The following PARD3B variants were observed in gnomAD, a reference collection of about 807,000 sequenced individuals.
PARD3B encodes par-3 family cell polarity regulator beta, also known as partitioning defective 3 homolog B.
A neutral mutation model predicts 130.2 loss-of-function variants in PARD3B; 103 were observed. The ratio of observed to expected loss-of-function variants is 0.79; its 90% CI spans 0.67 to 0.93. The LOEUF is 0.93. PARD3B is among the 40% of genes least tolerant of loss of function. The pLI is 0.00. For missense variants in PARD3B, 1,609 were observed against 1,499.2 expected (o/e 1.07, Z -1.21); for synonymous variants, 583 against 553.2 (o/e 1.05, Z -0.76).
chr2:204,862,086 C>A (rs951171526), intron 2 of PARD3B, among the ~76,000 whole-genome samples: 6 of 152,082 alleles, frequency 3.9e-5, no homozygotes, highest in Non-Finnish European at 8.8e-5. Flanking sequence ...TTACCAATGA[C>A]CAATTTTCAT....
chr2:205,375,962 G>T (rs1447262236), intron 18 of PARD3B, among the ~76,000 whole-genome samples: 3 of 152,130 alleles, frequency 2.0e-5, no homozygotes, highest in Non-Finnish European at 4.4e-5. Context: ...ACAACAAATT[G>T]ACAAGAATAG....
intron 1 of PARD3B, among the ~76,000 whole-genome samples, chr2:204,668,643 C>T (rs573162609): frequency 7.2e-5 from 11 of 152,192 alleles, no homozygotes; most frequent in South Asian, 4.1e-4. Context: ...ACATTTAATT[C>T]GGAATATTCT....
At chr2:204,873,152 C>T (rs1332865593) in intron 2 of PARD3B, among the ~76,000 whole-genome samples, 1 of 152,204 alleles carries the variant, frequency 6.6e-6, no homozygotes, top group East Asian at 1.9e-4. Context: ...AGCAGTGAAG[C>T]TCTGCATAAG....
intron 1 of PARD3B, among the ~76,000 whole-genome samples, chr2:204,613,351 C>T (rs1006366976): frequency 6.6e-6 from 1 of 152,110 alleles, no homozygotes; most frequent in Non-Finnish European, 1.5e-5. Context: ...CAAGCCTCTG[C>T]ATTTTCCGCC....
At chr2:205,171,931 A>G (rs1326321301) in intron 11 of PARD3B, among the ~76,000 whole-genome samples, 1 of 152,198 alleles carries the variant, frequency 6.6e-6, no homozygotes, top group Non-Finnish European at 1.5e-5. Flanking sequence ...CATGCTTGCC[A>G]AAGATTTAGG....
intron 20 of PARD3B, among the ~76,000 whole-genome samples, chr2:205,471,353 C>CTTTTTTTTT (rs769669913): frequency 7.4e-4 from 63 of 85,388 alleles, no homozygotes; most frequent in African/African-American, 1.8e-3. Context: ...ACTCACTTTT[C>CTTTTTTTTT]TTTTTTTTTT....
At chr2:205,430,767 A>G (rs548726812) in intron 19 of PARD3B, among the ~76,000 whole-genome samples, 1 of 152,344 alleles carries the variant, frequency 6.6e-6, no homozygotes, top group African/African-American at 2.4e-5. Context: ...CAAAAAGGAA[A>G]AAGAGTACAG....
chr2:205,125,963 T>C lies in PARD3B; in HGVS notation c.1434+226T>C, dbSNP rs1206423019. ...ATTCCGGGGCACAGATTCAAACACC[T>C]TTAGCAATAAGCAACTATTCAACAG... On this transcript the variant is annotated intron_variant, in intron 10 of 22. Coordinates refer to ENST00000406610, the MANE Select transcript of PARD3B (RefSeq NM_001302769.2). The surrounding 1 kb of genome is among the most constrained non-coding windows in gnomAD (Gnocchi z 4.0). 2.0e-5 allele frequency among the ~76,000 whole-genome samples: 3 copies of C among 152,198 alleles called. No homozygotes were observed. Among genetic ancestry groups the C allele is most frequent in the Non-Finnish European group, 4.4e-5 (3 of 68,042 alleles).
intron 2 of PARD3B, among the ~76,000 whole-genome samples, chr2:204,909,797 T>C: frequency 6.6e-6 from 1 of 152,176 alleles, no homozygotes; most frequent in East Asian, 1.9e-4. Flanking sequence ...AAATCATCAT[T>C]TTTGTTGCAC....
chr2:204,614,381 T>A (rs2034035448), intron 1 of PARD3B, among the ~76,000 whole-genome samples: 1 of 152,132 alleles, frequency 6.6e-6, no homozygotes, highest in Non-Finnish European at 1.5e-5. Flanking sequence ...TTCAGACTAA[T>A]CATATTTCAA....
chr2:204,549,104 C>A (rs901640057), intron 1 of PARD3B, among the ~76,000 whole-genome samples: 3 of 152,118 alleles, frequency 2.0e-5, no homozygotes, highest in Non-Finnish European at 4.4e-5. Flanking sequence ...TGTTGGGAAC[C>A]CCCTGAATCA....
At chr2:205,541,649 A>AT (rs994065159) in intron 21 of PARD3B, among the ~76,000 whole-genome samples, 117 of 148,950 alleles carry the variant, frequency 7.9e-4, no homozygotes, top group African/African-American at 2.6e-3. Context: ...TGCCCGGCCT[A>AT]TTTTTTTTTA....
intron 21 of PARD3B, among the ~76,000 whole-genome samples, chr2:205,514,611 AAGAT>A (rs4044511): frequency 0.44 from 67,401 of 151,598 alleles, 16,671 homozygotes; most frequent in Middle Eastern, 0.65. Context: ...TAGAAATATA[AAGAT>A]AGATACAGAC....
At chr2:204,819,350 C>T (rs1381385357) in intron 2 of PARD3B, among the ~76,000 whole-genome samples, 3 of 152,118 alleles carry the variant, frequency 2.0e-5, no homozygotes, top group African/African-American at 7.2e-5. Context: ...GATCAGTTAT[C>T]TTTGGTGTTA....
chr2:205,043,137 A>G (rs539971892), intron 3 of PARD3B, among the ~76,000 whole-genome samples: 1 of 152,202 alleles, frequency 6.6e-6, no homozygotes, highest in East Asian at 1.9e-4. Context: ...TTATTTGTGT[A>G]AAAGTTTTGA....
intron 3 of PARD3B, among the ~76,000 whole-genome samples, chr2:205,014,183 C>T (rs1160755882): frequency 6.6e-6 from 1 of 152,188 alleles, no homozygotes; most frequent in Non-Finnish European, 1.5e-5. Flanking sequence ...GCTTTATTTG[C>T]ATGCTGTCAC....
chr2:205,436,043 G>A (rs896411166), intron 19 of PARD3B, among the ~76,000 whole-genome samples: 3 of 152,146 alleles, frequency 2.0e-5, no homozygotes, highest in African/African-American at 7.2e-5. Flanking sequence ...GTCTGGTGAG[G>A]CCCTGTTGCC....
At chr2:205,372,033 TACC>T (rs1247684872) in intron 18 of PARD3B, among the ~76,000 whole-genome samples, 2 of 152,224 alleles carry the variant, frequency 1.3e-5, no homozygotes, top group Admixed American at 1.3e-4. Flanking sequence ...TGTGCATAAA[TACC>T]ACATTTTATT....
chr2:205,261,488 G>T (rs1420776548), intron 16 of PARD3B, among the ~76,000 whole-genome samples: 1 of 152,084 alleles, frequency 6.6e-6, no homozygotes, highest in Non-Finnish European at 1.5e-5. Context: ...GCCAGACATG[G>T]TTTTATTTCA....
Sources: allele counts gnomAD v4.1 joint callset (sites outside exome capture counted in the v4.1 genomes callset), GRCh38; gene constraint gnomAD v4.1.1; non-coding constraint Gnocchi (gnomAD v3.1); transcripts MANE v1.5; gene names NCBI Gene and HGNC (gene_info 2026-07-23, HGNC 2026-07-21).